The following APC variants were observed in gnomAD, a reference collection of about 807,000 sequenced individuals.
The protein encoded by APC is adenomatous polyposis coli protein.
Under a neutral mutation model 247.0 loss-of-function variants are expected in APC, and 72 were observed. That is an observed-to-expected ratio of 0.29 (90% CI 0.24 to 0.35). The LOEUF is 0.35. Among genes scored for constraint, APC ranks in the 10% least tolerant of loss-of-function variants. APC has a pLI of 1.00. For missense variants in APC, 3,400 were observed against 3,360.7 expected (o/e 1.01, Z -0.29); for synonymous variants, 1,254 against 1,162.5 (o/e 1.08, Z -1.60).
chr5:112,803,025 C>G (rs1761000205), intron 8 of APC, among the ~76,000 whole-genome samples: 1 of 151,960 alleles, frequency 6.6e-6, no homozygotes, highest in Admixed American at 6.6e-5. Flanking sequence ...GACTTGTAAA[C>G]ATGGAAAGAT....
upstream of APC, among the ~76,000 whole-genome samples, chr5:112,737,652 G>A (rs1340025419): frequency 6.6e-6 from 1 of 152,238 alleles, no homozygotes; most frequent in South Asian, 2.1e-4. Flanking sequence ...GACTGGGGCC[G>A]CGAGGGCATA....
chr5:112,803,122 A>G (rs1208753399), intron 8 of APC, among the ~76,000 whole-genome samples: 1 of 152,146 alleles, frequency 6.6e-6, no homozygotes, highest in East Asian at 1.9e-4. Flanking sequence ...GCAAAAATCA[A>G]TAACACTCAG....
intron 2 of APC, among the ~76,000 whole-genome samples, chr5:112,763,701 C>T (rs1306761949): frequency 6.6e-6 from 1 of 152,082 alleles, no homozygotes; most frequent in African/African-American, 2.4e-5. Context: ...AAAAGTATGA[C>T]ACAACAAGTA....
rs1766863471 is a variant in APC, at chr5:112,844,980, CTG to C, written c.*856_*857del. 4.3e-6 allele frequency: 1 copy of C among 232,152 alleles called. No individual in the cohort carries two copies. Among genetic ancestry groups the C allele is most frequent in the African/African-American group, 2.2e-5 (1 of 45,224 alleles). The allele number at this position is 232,152 out of a possible 1,614,324, so 14.4% of individuals were successfully genotyped here. A position where few individuals can be genotyped will look rare whatever the true frequency, so the allele number is the denominator to read the frequency against. On this transcript the variant is annotated 3_prime_UTR_variant, in exon 16 of 16. Coordinates refer to ENST00000257430, the MANE Select transcript of APC (RefSeq NM_000038.6). ...AGAATAAATTATTGCTGTATGTAAA[CTG>C]TTACTGAAATTGGTATTTGTTTGAA...
At chr5:112,799,972 G>C (rs952678833) in intron 7 of APC, among the ~76,000 whole-genome samples, 1 of 152,100 alleles carries the variant, frequency 6.6e-6, no homozygotes, top group African/African-American at 2.4e-5. Context: ...CAAACCTCCA[G>C]AGTATATCAT....
intron 11 of APC, among the ~76,000 whole-genome samples, chr5:112,825,226 ACTCTT>A (rs978096605): frequency 6.6e-6 from 1 of 151,784 alleles, no homozygotes; most frequent in African/African-American, 2.4e-5. Flanking sequence ...TTATGTCATC[ACTCTT>A]CTCTTCATCC....
chr5:112,831,477 A>G (rs915953329), intron 14 of APC, among the ~76,000 whole-genome samples: 6 of 152,234 alleles, frequency 3.9e-5, no homozygotes, highest in African/African-American at 7.2e-5. Context: ...GGTTAGCAGT[A>G]TTAGAATTTA....
At chr5:112,765,235 G>C (rs1405984660) in intron 2 of APC, among the ~76,000 whole-genome samples, 1 of 152,106 alleles carries the variant, frequency 6.6e-6, no homozygotes, top group Non-Finnish European at 1.5e-5. Flanking sequence ...CTCCCAAGTA[G>C]CTGGGACTAC....
intron 1 of APC, among the ~76,000 whole-genome samples, chr5:112,729,117 A>G (rs975011611): frequency 1.3e-5 from 2 of 152,208 alleles, no homozygotes; most frequent in South Asian, 2.1e-4. Flanking sequence ...GTCCTCTTCT[A>G]GATTATAAAT....
Position 112,837,948 on chromosome 5 carries a change from A to G in APC, c.2354A>G (p.His785Arg), listed in dbSNP as rs1765161032. Reference sequence around the variant, plus strand: ...GACAATTTAAGTCCCAAGGCATCTCATCGTAGTAAGCAGAGACACAAGCAA... The same window carrying G: ...GACAATTTAAGTCCCAAGGCATCTCGTCGTAGTAAGCAGAGACACAAGCAA... ...NIDNLSPKAS[H>R]RSKQRHKQSL... The change falls in exon 16 of 16, where the codon CAT (histidine) becomes CGT (arginine). Residue 785 changes from histidine to arginine, a missense_variant. Transcript: ENST00000257430. The G allele has an allele frequency of 6.2e-7, 1 of 1,614,110 alleles. No homozygotes were observed. Among genetic ancestry groups the G allele is most frequent in the Non-Finnish European group, 8.5e-7 (1 of 1,180,014 alleles).
In APC at chr5:112,794,183, C is replaced by G. The variant is rs191866326; in HGVS notation, c.729+1654C>G. Among the ~76,000 whole-genome samples, 22 of 152,202 alleles carry G rather than the reference C, an allele frequency of 1.4e-4. No homozygotes were observed. In the East Asian group the frequency reaches 3.9e-3, roughly 27 times the overall value. ...TCTCGGCTCACTGCAACCTCTGCTT[C>G]CTGGGTTCAAGTGATCTTCCCACCT... On this transcript the variant is annotated intron_variant, in intron 7 of 15. Coordinates refer to ENST00000257430, the MANE Select transcript of APC (RefSeq NM_000038.6).
At position 112,843,222 on chromosome 5, in the gene APC, G is replaced by A. The variant is rs2149990888; in HGVS notation, c.7628G>A (p.Arg2543Lys). Residue 2543 changes from arginine to lysine, a missense_variant, in exon 16 of 16, where the codon AGG (arginine) becomes AAG (lysine). Coordinates refer to ENST00000257430, the MANE Select transcript of APC (RefSeq NM_000038.6). This position sits in a 1 kb window ranked among gnomAD's most constrained non-coding sequence, Gnocchi z 4.8. ...AGTCCTTCTAGACTTCCAATCAATA[G>A]GTCAGGAACCTGGAAACGTGAGCAC... ...SESPSRLPIN[R>K]SGTWKREHSK... 6.2e-7 allele frequency: 1 copy of A among 1,613,806 alleles called. No individual in the cohort carries two copies. The highest frequency in any genetic ancestry group is 8.5e-7 in the Non-Finnish European group (1 of 1,179,806).
intron 6 of APC, among the ~76,000 whole-genome samples, chr5:112,789,241 G>C (rs935509778): frequency 2.6e-5 from 4 of 152,198 alleles, no homozygotes; most frequent in Non-Finnish European, 5.9e-5. Context: ...GAAATACTTA[G>C]TGGTTAAGCA....
chr5:112,818,071 A>G (rs1268911972), intron 9 of APC, among the ~76,000 whole-genome samples: 1 of 152,208 alleles, frequency 6.6e-6, no homozygotes, highest in Middle Eastern at 3.2e-3. Flanking sequence ...AGATTCCCCT[A>G]AAATACCCAT....
At chr5:112,722,428 A>T (rs1052832652) in intron 1 of APC, among the ~76,000 whole-genome samples, 4 of 152,196 alleles carry the variant, frequency 2.6e-5, no homozygotes, top group Non-Finnish European at 4.4e-5. Flanking sequence ...GTGACCAAAG[A>T]CGTGGGGCTT....
chr5:112,745,199 C>A (rs958119107), intron 1 of APC, among the ~76,000 whole-genome samples: 40 of 151,968 alleles, frequency 2.6e-4, no homozygotes, highest in South Asian at 2.1e-4. Flanking sequence ...GAAAATTAGT[C>A]AAGGCAAACC....
At chr5:112,713,586 T>C (rs1313867540) in intron 1 of APC, among the ~76,000 whole-genome samples, 1 of 152,188 alleles carries the variant, frequency 6.6e-6, no homozygotes, top group Non-Finnish European at 1.5e-5. Flanking sequence ...TGGAGAAATT[T>C]AAATAAATAA....
At chr5:112,767,132 A>G in intron 3 of APC, 57 bp from the exon 4 acceptor site, 1 of 1,331,968 alleles carries the variant, frequency 7.5e-7, no homozygotes, top group Admixed American at 1.7e-5. Context: ...AACATTAAGA[A>G]TATTTTAGAC....
intron 2 of APC, among the ~76,000 whole-genome samples, chr5:112,756,812 A>G (rs896135582): frequency 1.3e-5 from 2 of 152,220 alleles, no homozygotes; most frequent in Non-Finnish European, 2.9e-5. Context: ...TATGTGTGGT[A>G]TAATACAAGT....
Sources: gnomAD v4.1 joint callset for allele counts (sites outside exome capture counted in the v4.1 genomes callset) on GRCh38, gnomAD v4.1.1 for gene constraint, Gnocchi (gnomAD v3.1) non-coding constraint, MANE v1.5 for transcripts, NCBI Gene and HGNC (gene_info 2026-07-23, HGNC 2026-07-21) for gene names.